Variants in FBXL13 observed in about 807,000 individuals in gnomAD.
FBXL13 encodes the protein F-box and leucine-rich repeat protein 13.
A neutral mutation model predicts 83.6 loss-of-function variants in FBXL13; 67 were observed. That is an observed-to-expected ratio of 0.80 (90% confidence interval 0.66 to 0.98). The LOEUF (loss-of-function observed/expected upper bound fraction) is 0.98. Ranked by LOEUF, FBXL13 falls within the 50% of genes least tolerant of loss-of-function variation. FBXL13 has a pLI of 0.00. For synonymous variants in FBXL13, 272 were observed against 299.5 expected (o/e 0.91, Z 0.95); for missense variants, 822 against 866.5 (o/e 0.95, Z 0.64).
intron 18 of FBXL13, among the ~76,000 whole-genome samples, chr7:102,829,540 G>A (rs1220080824): frequency 6.6e-6 from 1 of 152,118 alleles, no homozygotes; most frequent in African/African-American, 2.4e-5. Flanking sequence ...CTTCACGTCG[G>A]TCATGAGGGT....
At chr7:102,934,240 C>T (rs768111544) in intron 8 of FBXL13, 2 of 1,614,192 alleles carry the variant, frequency 1.2e-6, no homozygotes, top group Admixed American at 3.3e-5. Flanking sequence ...AGCTGAAAAG[C>T]CTGGATCTGC....
At position 102,883,303 on chromosome 7, in the gene FBXL13, A is replaced by G. The variant is rs200313666; in HGVS notation, c.1388+2T>C. 1.2e-6 allele frequency: 2 copies of G among 1,610,520 alleles called. No homozygotes were observed. Among genetic ancestry groups the G allele is most frequent in the Non-Finnish European group, 1.7e-6 (2 of 1,179,158 alleles). On this transcript the variant is annotated splice_donor_variant, in intron 14 of 19. Coordinates refer to ENST00000313221, the Ensembl canonical transcript of FBXL13. LOFTEE classifies it high-confidence loss of function. The stretch of plus-strand genomic sequence containing the variant: ...TGAATATATTACTGAATGACTCATT[A>G]CCTTACACAATTTGCCAAATTCAAC...
intron 11 of FBXL13, among the ~76,000 whole-genome samples, chr7:102,896,987 T>G (rs1247523172): frequency 6.6e-6 from 1 of 151,918 alleles, no homozygotes; most frequent in Non-Finnish European, 1.5e-5. Context: ...TGGGGAGGGC[T>G]GTAGTGGAGC....
intron 8 of FBXL13, chr7:102,934,210 CAT>C: frequency 6.2e-7 from 1 of 1,614,230 alleles, no homozygotes; most frequent in Non-Finnish European, 8.5e-7. Context: ...TGAAGAACAA[CAT>C]GTTTTCCAAG....
chr7:102,974,463 A>G (rs1827192445), intron 6 of FBXL13, among the ~76,000 whole-genome samples: 1 of 152,126 alleles, frequency 6.6e-6, no homozygotes, highest in Admixed American at 6.5e-5. Context: ...TTTTTTTGCA[A>G]TTCAGACTGG....
chr7:103,023,047 C>A (rs1036400297), intron 6 of FBXL13, among the ~76,000 whole-genome samples: 2 of 152,070 alleles, frequency 1.3e-5, no homozygotes, highest in African/African-American at 4.8e-5. Context: ...GAGGCCGAGG[C>A]GGGTGGATCA....
intron 8 of FBXL13, among the ~76,000 whole-genome samples, chr7:102,937,533 A>T (rs1253510845): frequency 6.8e-6 from 1 of 147,164 alleles, no homozygotes; most frequent in East Asian, 2.0e-4. Context: ...AATGAAGGGT[A>T]GCTTTGTCTT....
intron 11 of FBXL13, among the ~76,000 whole-genome samples, chr7:102,904,921 C>G (rs1490466215): frequency 6.6e-6 from 1 of 152,080 alleles, no homozygotes; most frequent in Admixed American, 6.6e-5. Flanking sequence ...GTATCGTTTC[C>G]AAAATTCTAC....
rs79354989 is a variant in FBXL13, at chr7:102,842,143, G to A, written c.1720-9169C>T. ...CAAGAGACAAAAGATCCAAATGTCC[G>A]GACGTTCCACCTCCCCATACAAGAG... On this transcript the variant is annotated intron_variant, in intron 17 of 19. Transcript: ENST00000313221. Among the ~76,000 whole-genome samples, 2,145 of 152,252 alleles carry A rather than the reference G, an allele frequency of 0.014. 119 individuals are homozygous for A. In the East Asian group the frequency reaches 0.16, roughly 11 times the overall value.
At chr7:103,028,647 A>T in exon 4 of FBXL13, 1 of 1,599,846 alleles carries the variant, frequency 6.3e-7, no homozygotes, top group Non-Finnish European at 8.5e-7. Flanking sequence ...CCAGTGATGA[A>T]ATACAGATTT....
intron 11 of FBXL13, among the ~76,000 whole-genome samples, chr7:102,907,162 A>G (rs1813890093): frequency 6.6e-6 from 1 of 152,058 alleles, no homozygotes; most frequent in African/African-American, 2.4e-5. Context: ...TAGTAAAGAC[A>G]GGGTTTCACC....
At chr7:102,878,525 C>T in intron 14 of FBXL13, 75 bp from the exon 16 acceptor site, 1 of 968,982 alleles carries the variant, frequency 1.0e-6, no homozygotes, top group Non-Finnish European at 1.4e-6. Context: ...GTAATAGCTA[C>T]CATACCCAAT....
At chr7:103,071,135 T>C (rs564730526) in intron 1 of FBXL13, among the ~76,000 whole-genome samples, 3 of 150,168 alleles carry the variant, frequency 2.0e-5, no homozygotes, top group East Asian at 3.9e-4. Context: ...ATGAAAAAGA[T>C]CCAAACTTGA....
At chr7:102,878,308 T>G in intron 15 of FBXL13, 23 bp downstream of exon 16, 1 of 1,577,442 alleles carries the variant, frequency 6.3e-7, no homozygotes, top group Non-Finnish European at 8.6e-7. Flanking sequence ...AATGATATGA[T>G]GTAAAAGACT....
intron 8 of FBXL13, among the ~76,000 whole-genome samples, chr7:102,943,274 T>C (rs913698979): frequency 2.0e-5 from 3 of 151,960 alleles, no homozygotes; most frequent in African/African-American, 7.3e-5. Context: ...TTGTCTTACA[T>C]GCGAAATATT....
chr7:102,967,750 A>G lies in FBXL13; in HGVS notation c.591+272T>C, dbSNP rs1367169957. On this transcript the variant is annotated intron_variant, in intron 7 of 19. Transcript: ENST00000313221. ...ACCAGAATGGAGTACAAACTATCCAATAAAATGGAGCTTTGTTTCAATCCA... is the reference window on the plus strand; with the variant it reads ...ACCAGAATGGAGTACAAACTATCCAGTAAAATGGAGCTTTGTTTCAATCCA... Among the ~76,000 whole-genome samples, 8 of 152,258 alleles carry G rather than the reference A, an allele frequency of 5.3e-5. No homozygotes were observed. In the East Asian group the frequency reaches 1.5e-3, roughly 29 times the overall value.
intron 17 of FBXL13, among the ~76,000 whole-genome samples, chr7:102,850,178 T>C (rs766275176): frequency 6.6e-6 from 1 of 152,168 alleles, no homozygotes; most frequent in Non-Finnish European, 1.5e-5. Context: ...AATGCTTTCA[T>C]CTACAATCTC....
intron 6 of FBXL13, chr7:102,976,258 A>ACC: frequency 1.4e-6 from 1 of 707,658 alleles, no homozygotes; most frequent in Non-Finnish European, 2.6e-6. Flanking sequence ...TAAAATTAAT[A>ACC]CCAGGGCAAC....
intron 11 of FBXL13, among the ~76,000 whole-genome samples, chr7:102,904,698 T>A (rs755679794): frequency 4.1e-4 from 63 of 152,016 alleles, no homozygotes; most frequent in Non-Finnish European, 7.5e-4. Context: ...TTAAGATGCA[T>A]CATCAGATTG....
Sources: allele counts gnomAD v4.1 joint callset (sites outside exome capture counted in the v4.1 genomes callset), GRCh38; gene constraint gnomAD v4.1.1; transcripts MANE v1.5; gene names NCBI Gene and HGNC (gene_info 2026-07-23, HGNC 2026-07-21).